Variants in NRXN3 observed in about 807,000 individuals in gnomAD.
NRXN3 encodes the protein neurexin III.
NRXN3 carries 32 observed loss-of-function variants against 137.6 expected under a neutral mutation model. That is an observed-to-expected ratio of 0.23 (90% confidence interval 0.18 to 0.31). The LOEUF is 0.31. Ranked by LOEUF, NRXN3 falls within the 10% of genes least tolerant of loss-of-function variation. The pLI is 1.00. For synonymous variants in NRXN3, 798 were observed against 784.5 expected (o/e 1.02, Z -0.29); for missense variants, 1,574 against 2,062.5 (o/e 0.76, Z 4.59).
At chr14:79,586,745 G>GT (rs1013474099) in intron 16 of NRXN3, among the ~76,000 whole-genome samples, 10 of 152,134 alleles carry the variant, frequency 6.6e-5, no homozygotes, top group African/African-American at 1.2e-4. Context: ...GCCATTTCTT[G>GT]TTTTTTGAGA....
At chr14:78,569,840 A>G (rs1003129216) in intron 4 of NRXN3, among the ~76,000 whole-genome samples, 3 of 151,706 alleles carry the variant, frequency 2.0e-5, no homozygotes, top group Non-Finnish European at 4.4e-5. Context: ...GAACTCCTAG[A>G]CTCAAGCGAT....
chr14:78,588,987 A>G (rs1373815026), intron 4 of NRXN3, among the ~76,000 whole-genome samples: 2 of 152,254 alleles, frequency 1.3e-5, no homozygotes, highest in African/African-American at 2.4e-5. Flanking sequence ...GCTGTGGAAG[A>G]CACAATAGTA....
intron 15 of NRXN3, among the ~76,000 whole-genome samples, chr14:79,109,610 C>T (rs1173216620): frequency 6.6e-6 from 1 of 152,104 alleles, no homozygotes; most frequent in African/African-American, 2.4e-5. Flanking sequence ...ATCTTACTGG[C>T]CTGAGAGTCC....
At chr14:78,492,062 C>G (rs1435843734) in intron 4 of NRXN3, among the ~76,000 whole-genome samples, 3 of 152,062 alleles carry the variant, frequency 2.0e-5, no homozygotes. Context: ...CCTCATGAGT[C>G]AAAACTGGGA....
chr14:78,642,479 C>T (rs2097645787), intron 4 of NRXN3, among the ~76,000 whole-genome samples: 1 of 152,184 alleles, frequency 6.6e-6, no homozygotes, highest in Non-Finnish European at 1.5e-5. Context: ...TTAATTTAAG[C>T]TTCTCTTTAT....
At chr14:78,875,610 A>G (rs547620593) in intron 10 of NRXN3, among the ~76,000 whole-genome samples, 1 of 152,316 alleles carries the variant, frequency 6.6e-6, no homozygotes, top group Non-Finnish European at 1.5e-5. Flanking sequence ...TTTGAATACC[A>G]TTTCTCAGCT....
rs2098039655 is a variant in NRXN3, at chr14:79,607,697, G to A, written c.3445-56081G>A. Reference sequence around the variant, plus strand: ...AATTTTTTTTTTTTTTTTTGAGACAGGATTTCACTGTGTTGCCCAGGCTGG... The same window carrying A: ...AATTTTTTTTTTTTTTTTTGAGACAAGATTTCACTGTGTTGCCCAGGCTGG... On this transcript the variant is annotated intron_variant, in intron 16 of 20. Coordinates refer to ENST00000335750, the MANE Select transcript of NRXN3 (RefSeq NM_001330195.2). Among the ~76,000 whole-genome samples the A allele has an allele frequency of 6.1e-5, 9 of 146,794 alleles. 1 individual carries two copies. The South Asian group carries it at 1.5e-3, about 25-fold the overall frequency.
At chr14:79,497,962 A>G (rs1483037545) in intron 16 of NRXN3, among the ~76,000 whole-genome samples, 1 of 152,136 alleles carries the variant, frequency 6.6e-6, no homozygotes, top group Non-Finnish European at 1.5e-5. Flanking sequence ...TGAACCCAGG[A>G]TGCAGAGGTT....
chr14:78,403,423 T>C (rs1482312734), intron 4 of NRXN3, among the ~76,000 whole-genome samples: 1 of 152,188 alleles, frequency 6.6e-6, no homozygotes, highest in East Asian at 1.9e-4. Flanking sequence ...TCTGGGAATC[T>C]TAGGTCCATG....
chr14:79,126,198 A>C (rs1037436411), intron 15 of NRXN3, among the ~76,000 whole-genome samples: 8 of 152,054 alleles, frequency 5.3e-5, no homozygotes, highest in Non-Finnish European at 1.2e-4. Flanking sequence ...ATTATACTTT[A>C]AGTTTTAGGG....
intron 1 of NRXN3, among the ~76,000 whole-genome samples, chr14:78,187,611 G>A (rs2060344752): frequency 6.6e-6 from 1 of 152,070 alleles, no homozygotes; most frequent in East Asian, 1.9e-4. Flanking sequence ...AATAACGATG[G>A]CCAAATTCTG....
At chr14:79,631,474 G>T (rs543184311) in intron 16 of NRXN3, among the ~76,000 whole-genome samples, 83 of 152,360 alleles carry the variant, frequency 5.4e-4, no homozygotes, top group African/African-American at 1.9e-3. Flanking sequence ...GGTGGGAGTC[G>T]GGGCTGCACT....
chr14:79,608,389 A>G (rs965763736), intron 16 of NRXN3, among the ~76,000 whole-genome samples: 1 of 152,064 alleles, frequency 6.6e-6, no homozygotes, highest in Non-Finnish European at 1.5e-5. Flanking sequence ...GTGGAGGGAG[A>G]AAGGGTTAGG....
Position 79,186,220 on chromosome 14 carries a change from C to G in NRXN3, c.3262+198079C>G, listed in dbSNP as rs1256244165. On this transcript the variant is annotated intron_variant, in intron 15 of 20. Transcript: ENST00000335750. ...GTTCAACATGAAATAGAATTGCATCCAAACAAATCGTGACGTCAAGGGTGT... is the reference window on the plus strand; with the variant it reads ...GTTCAACATGAAATAGAATTGCATCGAAACAAATCGTGACGTCAAGGGTGT... 2.0e-5 allele frequency among the ~76,000 whole-genome samples: 3 copies of G among 149,916 alleles called. No homozygotes were observed. In the Admixed American group the frequency reaches 2.0e-4, roughly 10 times the overall value.
chr14:78,273,614 G>T (rs1405421882), intron 2 of NRXN3, among the ~76,000 whole-genome samples: 1 of 152,208 alleles, frequency 6.6e-6, no homozygotes, highest in Non-Finnish European at 1.5e-5. Context: ...GCTGGGGTCT[G>T]TGTATGGAGG....
At chr14:79,597,972 G>A (rs2097878241) in intron 16 of NRXN3, among the ~76,000 whole-genome samples, 1 of 152,146 alleles carries the variant, frequency 6.6e-6, no homozygotes, top group Non-Finnish European at 1.5e-5. Flanking sequence ...GATGCCCGTT[G>A]GAAGGTTCTT....
At chr14:78,871,651 C>T (rs2099101616) in intron 10 of NRXN3, among the ~76,000 whole-genome samples, 1 of 152,050 alleles carries the variant, frequency 6.6e-6, no homozygotes, top group Admixed American at 6.6e-5. Flanking sequence ...GTCTATAAGA[C>T]TCATCCAAAA....
intron 15 of NRXN3, among the ~76,000 whole-genome samples, chr14:79,296,637 T>C (rs2084211963): frequency 6.6e-6 from 1 of 152,080 alleles, no homozygotes; most frequent in Admixed American, 6.6e-5. Flanking sequence ...GTAAATACTA[T>C]ATGACTTGTC....
At chr14:78,975,708 G>A (rs1467153679) in intron 14 of NRXN3, among the ~76,000 whole-genome samples, 2 of 152,160 alleles carry the variant, frequency 1.3e-5, no homozygotes, top group Non-Finnish European at 2.9e-5. Context: ...GGTCAAGGAG[G>A]TAAACAAGTT....
Sources: gnomAD v4.1 joint callset for allele counts (sites outside exome capture counted in the v4.1 genomes callset) on GRCh38, gnomAD v4.1.1 for gene constraint, MANE v1.5 for transcripts, NCBI Gene and HGNC (gene_info 2026-07-23, HGNC 2026-07-21) for gene names.